Variants in FYB1 observed in about 807,000 individuals in gnomAD.
FYB1 encodes FYN binding protein 1, also known as FYN-binding protein 1.
FYB1 carries 41 observed loss-of-function variants against 94.1 expected under a neutral mutation model. That is an observed-to-expected ratio of 0.44 (90% CI 0.34 to 0.57). The LOEUF (loss-of-function observed/expected upper bound fraction) is 0.57, where lower values mean the gene tolerates loss of function less well. FYB1 is among the 20% of genes least tolerant of loss of function. The pLI is 0.02. For missense variants in FYB1, 1,050 were observed against 976.8 expected, an observed-to-expected ratio of 1.07 and a Z score of -1.00; for synonymous variants, 367 against 353.2, an observed-to-expected ratio of 1.04 and a Z score of -0.44.
intron 1 of FYB1, among the ~76,000 whole-genome samples, chr5:39,234,012 C>A (rs1750854529): frequency 6.6e-6 from 1 of 152,090 alleles, no homozygotes; most frequent in Admixed American, 6.6e-5. Context: ...CTTTCTCTAG[C>A]TTAGATGGGG....
chr5:39,134,768 G>T, intron 8 of FYB1, 87 bp downstream of exon 8: 1 of 1,388,496 alleles, frequency 7.2e-7, no homozygotes, highest in Non-Finnish European at 1.0e-6. Flanking sequence ...CTAACTCGAT[G>T]CCTATGACGA....
intron 1 of FYB1, among the ~76,000 whole-genome samples, chr5:39,270,010 T>G (rs1752605568): frequency 6.6e-6 from 1 of 152,200 alleles, no homozygotes; most frequent in South Asian, 2.1e-4. Flanking sequence ...CACTCACCAT[T>G]TTAAGTATGC....
chr5:39,138,585 C>A, intron 6 of FYB1, 72 bp downstream of exon 6: 1 of 827,882 alleles, frequency 1.2e-6, no homozygotes. Flanking sequence ...TGTTATATAC[C>A]CACTCTCCCT....
chr5:39,243,054 G>C (rs1751292763), intron 1 of FYB1, among the ~76,000 whole-genome samples: 2 of 152,204 alleles, frequency 1.3e-5, no homozygotes, highest in Admixed American at 6.5e-5. Context: ...TTTGTCAGAT[G>C]AGTAGATTGC....
chr5:39,220,226 T>C (rs1750174147), upstream of FYB1, among the ~76,000 whole-genome samples: 2 of 151,792 alleles, frequency 1.3e-5, no homozygotes, highest in African/African-American at 4.8e-5. Context: ...CTTGACAACA[T>C]GGTGAGACCC....
intron 1 of FYB1, among the ~76,000 whole-genome samples, chr5:39,205,724 T>G (rs1748785173): frequency 6.6e-6 from 1 of 152,186 alleles, no homozygotes; most frequent in African/African-American, 2.4e-5. Context: ...CAGTGCAATG[T>G]CAAAGTTAAT....
intron 2 of FYB1, among the ~76,000 whole-genome samples, chr5:39,198,339 A>G (rs1379974913): frequency 1.3e-5 from 2 of 152,222 alleles, no homozygotes; most frequent in African/African-American, 2.4e-5. Context: ...TGTACCATTA[A>G]TAACATTACT....
intron 1 of FYB1, among the ~76,000 whole-genome samples, chr5:39,206,803 A>G (rs892309409): frequency 1.3e-5 from 2 of 152,166 alleles, no homozygotes; most frequent in African/African-American, 4.8e-5. Context: ...ATGCAAACAT[A>G]AACACACACA....
At chr5:39,252,410 T>C (rs940068150) in intron 1 of FYB1, among the ~76,000 whole-genome samples, 2 of 152,176 alleles carry the variant, frequency 1.3e-5, no homozygotes, top group Non-Finnish European at 2.9e-5. Context: ...ATAAGGGAAA[T>C]AGCTATGGCT....
intron 2 of FYB1, among the ~76,000 whole-genome samples, chr5:39,172,565 C>T (rs1212362538): frequency 6.6e-6 from 1 of 152,170 alleles, no homozygotes; most frequent in Non-Finnish European, 1.5e-5. Flanking sequence ...CATCACTCAA[C>T]CAACAGGTGG....
At position 39,202,669 on chromosome 5, in the gene FYB1, A is replaced by C. The variant is rs760925643; in HGVS notation, c.292T>G (p.Leu98Val). ...AGQRFGTPAS[L>V]TTRDPEAKVG... ...TTCGCCTCGGGGTCTCTGGTGGTCA[A>C]GCTGGCTGGTGTTCCGAATCTTTGG... Residue 98 changes from leucine (L) to valine (V), a missense_variant, in exon 2 of 19, where the codon TTG becomes GTG. Leu to Val is a conservative substitution (Grantham distance 32). Transcript: ENST00000512982. 6.2e-7 allele frequency: 1 copy of C among 1,613,928 alleles called. No homozygotes were observed. Among genetic ancestry groups the C allele is most frequent in the Non-Finnish European group, 8.5e-7 (1 of 1,179,870 alleles).
chr5:39,175,862 G>C (rs1745674802), intron 2 of FYB1, among the ~76,000 whole-genome samples: 2 of 152,118 alleles, frequency 1.3e-5, no homozygotes, highest in South Asian at 2.1e-4. Flanking sequence ...GCTTCTTAGG[G>C]GCTCAAGGTC....
rs549785024 is a variant in FYB1 at position 39,125,149 on chromosome 5, T to C, written c.2045+849A>G. Among the ~76,000 whole-genome samples, 393 of 152,252 alleles carry C rather than the reference T, an allele frequency of 2.6e-3. 3 individuals are homozygous for C. The highest frequency in any genetic ancestry group is 4.7e-3 in the Non-Finnish European group (317 of 67,996). ...GTAATGCTGCTCAAGAGAAGGTTTC[T>C]TGTGTTTTCCTAGAATTTCAAGTGT... On this transcript the variant is annotated intron_variant, in intron 12 of 18. Coordinates refer to ENST00000512982, the MANE Select transcript of FYB1 (RefSeq NM_001465.6).
chr5:39,221,216 C>A (rs182511246), upstream of FYB1, among the ~76,000 whole-genome samples: 102 of 152,270 alleles, frequency 6.7e-4, no homozygotes, highest in African/African-American at 2.1e-3. Context: ...CCCCTCCCAG[C>A]TGGCTGGGAT....
rs551378070 is a variant in FYB1 at position 39,236,061 on chromosome 5, GAT to G, written c.-27-33076_-27-33075del. On this transcript the variant is annotated intron_variant, in intron 1 of 1. Coordinates refer to the FYB1 transcript ENST00000510188. ...GGACAGTACAGGACCAGGACCCTAT[GAT>G]ATCTTTTAGTTTTCTAAACCTCTCA... Among the ~76,000 whole-genome samples the G allele has an allele frequency of 1.5e-4, 23 of 151,908 alleles. No homozygotes were observed. The South Asian group carries it at 4.6e-3, about 30-fold the overall frequency.
At chr5:39,220,201 G>T (rs573850249), upstream of FYB1, among the ~76,000 whole-genome samples, 1 of 152,104 alleles carries the variant, frequency 6.6e-6, no homozygotes, top group East Asian at 1.9e-4. Flanking sequence ...TTGAGACCAG[G>T]AGTTCAAGAC....
At chr5:39,157,769 A>G (rs1231168137) in intron 2 of FYB1, among the ~76,000 whole-genome samples, 2 of 152,202 alleles carry the variant, frequency 1.3e-5, no homozygotes, top group African/African-American at 4.8e-5. Context: ...AACTGAAAAG[A>G]CCATGTAGAA....
At chr5:39,259,296 A>G (rs1033497603) in intron 1 of FYB1, among the ~76,000 whole-genome samples, 6 of 152,264 alleles carry the variant, frequency 3.9e-5, no homozygotes, top group Non-Finnish European at 8.8e-5. Context: ...ACCCAGTTCC[A>G]GAACAAGAAA....
intron 3 of FYB1, among the ~76,000 whole-genome samples, chr5:39,153,021 T>C (rs1362591798): frequency 2.6e-5 from 4 of 152,172 alleles, no homozygotes; most frequent in Non-Finnish European, 5.9e-5. Flanking sequence ...ATCTAATCAA[T>C]AAGGTTATAG....
Sources: gnomAD v4.1 joint callset for allele counts (sites outside exome capture counted in the v4.1 genomes callset) on GRCh38, gnomAD v4.1.1 for gene constraint, MANE v1.5 for transcripts, NCBI Gene and HGNC (gene_info 2026-07-23, HGNC 2026-07-21) for gene names.